MRTFA: variants seen among roughly 807,000 people sequenced by gnomAD.
MRTFA encodes myocardin related transcription factor A.
A neutral mutation model predicts 83.5 loss-of-function variants in MRTFA; 20 were observed. The ratio of observed to expected loss-of-function variants is 0.24; its 90% CI spans 0.17 to 0.35. The LOEUF is 0.35. Ranked by LOEUF, MRTFA falls within the 10% of genes least tolerant of loss-of-function variation. The pLI is 1.00. For missense variants in MRTFA, 1,200 were observed against 1,224.7 expected, an observed-to-expected ratio of 0.98 and a Z score of 0.30; for synonymous variants, 659 against 541.2, an observed-to-expected ratio of 1.22 and a Z score of -3.02.
chr22:40,473,439 G>A (rs1231329577), intron 3 of MRTFA, among the ~76,000 whole-genome samples: 3 of 152,144 alleles, frequency 2.0e-5, no homozygotes, highest in Non-Finnish European at 4.4e-5. Flanking sequence ...GATTACAGGT[G>A]TGAGCCACTG....
chr22:40,484,001 G>T (rs993171240), intron 3 of MRTFA, among the ~76,000 whole-genome samples: 2 of 152,006 alleles, frequency 1.3e-5, no homozygotes, highest in Non-Finnish European at 2.9e-5. Context: ...CTGGGATTGG[G>T]CATGAGGCAC....
chr22:40,629,018 G>A (rs954988695), intron 1 of MRTFA, among the ~76,000 whole-genome samples: 18 of 151,920 alleles, frequency 1.2e-4, no homozygotes, highest in Admixed American at 3.9e-4. Flanking sequence ...GGCCAGGCAC[G>A]GTGGCTCACA....
At chr22:40,620,368 C>A (rs1197289044) in intron 1 of MRTFA, among the ~76,000 whole-genome samples, 1 of 151,650 alleles carries the variant, frequency 6.6e-6, no homozygotes, top group South Asian at 2.1e-4. Context: ...AGGTGATACA[C>A]CCGTCTCAAC....
chr22:40,515,647 G>A (rs2054745836), intron 3 of MRTFA, among the ~76,000 whole-genome samples: 1 of 152,072 alleles, frequency 6.6e-6, no homozygotes, highest in African/African-American at 2.4e-5. Context: ...AAAACAGAGA[G>A]GCAGATGGAA....
chr22:40,456,087 G>C (rs1329459769), intron 4 of MRTFA, among the ~76,000 whole-genome samples: 1 of 151,992 alleles, frequency 6.6e-6, no homozygotes, highest in African/African-American at 2.4e-5. Context: ...AAGCCACCAG[G>C]CTCAGCCCAT....
At chr22:40,484,464 C>T (rs920754751) in intron 3 of MRTFA, among the ~76,000 whole-genome samples, 3 of 152,124 alleles carry the variant, frequency 2.0e-5, no homozygotes, top group Admixed American at 6.5e-5. Flanking sequence ...GATTTTCCCA[C>T]TCCACATCCC....
At chr22:40,435,613 G>T in intron 4 of MRTFA, 59 bp from the exon 5 acceptor site, 2 of 1,568,260 alleles carry the variant, frequency 1.3e-6, no homozygotes, top group Non-Finnish European at 1.8e-6. Context: ...CTAGTGCTAC[G>T]ATATTCAGTG....
intron 13 of MRTFA, 43 bp downstream of exon 13, chr22:40,417,297 AG>A (rs1433690008): frequency 6.3e-7 from 1 of 1,590,106 alleles, no homozygotes; most frequent in African/African-American, 1.4e-5. Flanking sequence ...CCAGCAGCCT[AG>A]GGCAGCTGCC....
At chr22:40,411,934 G>A (rs2052556050) in intron 14 of MRTFA, 27 bp from the exon 15 acceptor site, 1 of 1,455,426 alleles carries the variant, frequency 6.9e-7, no homozygotes, top group Non-Finnish European at 9.1e-7. Context: ...AGAGTAAATG[G>A]ATATCAGAAG....
chr22:40,564,801 G>A (rs1354737846), intron 2 of MRTFA, among the ~76,000 whole-genome samples: 2 of 152,048 alleles, frequency 1.3e-5, no homozygotes, highest in East Asian at 1.9e-4. Context: ...ACAGGCACAC[G>A]CCGCCATTCC....
chr22:40,428,225 G>T (rs1213095038), intron 7 of MRTFA, among the ~76,000 whole-genome samples: 1 of 152,178 alleles, frequency 6.6e-6, no homozygotes, highest in African/African-American at 2.4e-5. Flanking sequence ...GGACCAGCAT[G>T]GGAAGTGGGG....
At chr22:40,553,087 G>C (rs1602419994) in intron 2 of MRTFA, among the ~76,000 whole-genome samples, 1 of 152,350 alleles carries the variant, frequency 6.6e-6, no homozygotes, top group Middle Eastern at 3.4e-3. Flanking sequence ...CCCTACTCTA[G>C]AGAGATCTGT....
intron 4 of MRTFA, among the ~76,000 whole-genome samples, chr22:40,447,025 C>T (rs2053390999): frequency 1.3e-5 from 2 of 152,014 alleles, no homozygotes; most frequent in Admixed American, 1.3e-4. Flanking sequence ...GGGGTGAGGT[C>T]ATTTTATATG....
intron 7 of MRTFA, 90 bp from the exon 8 acceptor site, chr22:40,424,471 G>T: frequency 7.2e-7 from 1 of 1,391,040 alleles, no homozygotes; most frequent in Non-Finnish European, 9.8e-7. Context: ...CAGGCAGAGT[G>T]CCTGGCCCAC....
At chr22:40,542,668 T>C (rs546565046) in intron 3 of MRTFA, among the ~76,000 whole-genome samples, 2 of 152,308 alleles carry the variant, frequency 1.3e-5, no homozygotes, top group South Asian at 2.1e-4. Context: ...CAAATATTAA[T>C]GTAAGTGTGA....
chr22:40,504,629 A>G (rs2054551012), intron 3 of MRTFA, among the ~76,000 whole-genome samples: 1 of 152,344 alleles, frequency 6.6e-6, no homozygotes. Flanking sequence ...TCACCCACAC[A>G]AATGTAAGCA....
rs756342776 is a variant in MRTFA, at chr22:40,431,378, A to G, written c.439+27T>C. Reference sequence around the variant, plus strand: ...TACACACAGTGAGAACTGGATCTAGATGGAAAAGCAATTCCAATCTCCACA... The same window carrying G: ...TACACACAGTGAGAACTGGATCTAGGTGGAAAAGCAATTCCAATCTCCACA... On this transcript the variant is annotated intron_variant, in intron 6 of 14. Coordinates refer to ENST00000355630, the MANE Select transcript of MRTFA (RefSeq NM_020831.6). 19 of 1,606,340 alleles carry G rather than the reference A, an allele frequency of 1.2e-5. No homozygotes were observed. The South Asian group carries it at 2.1e-4, about 18-fold the overall frequency.
At chr22:40,434,649 T>C (rs2053133398) in intron 5 of MRTFA, among the ~76,000 whole-genome samples, 1 of 152,090 alleles carries the variant, frequency 6.6e-6, no homozygotes, top group South Asian at 2.1e-4. Flanking sequence ...TTGAATCTGG[T>C]AGGCGGAGGC....
At position 40,443,971 on chromosome 22, in the gene MRTFA, T is replaced by C. The variant is rs189861269; in HGVS notation, c.308-8417A>G. On this transcript the variant is annotated intron_variant, in intron 4 of 14. Coordinates refer to ENST00000355630, the MANE Select transcript of MRTFA (RefSeq NM_020831.6). ...CACCATGGTGTGCATACAGACTACA[T>C]TGGGAGCTGGAACTCTCGCCCCGAA... Among the ~76,000 whole-genome samples the C allele has an allele frequency of 9.7e-4, 148 of 152,282 alleles. 1 individual carries two copies. In the Middle Eastern group the frequency reaches 0.02, roughly 21 times the overall value.
Sources: gnomAD v4.1 joint callset for allele counts (sites outside exome capture counted in the v4.1 genomes callset) on GRCh38, gnomAD v4.1.1 for gene constraint, MANE v1.5 for transcripts, NCBI Gene and HGNC (gene_info 2026-07-23, HGNC 2026-07-21) for gene names.